Variants in MEGF11 observed in about 807,000 individuals in gnomAD.
MEGF11 encodes multiple epidermal growth factor-like domains protein 11.
MEGF11 carries 126 observed loss-of-function variants against 146.6 expected under a neutral mutation model. The observed-to-expected ratio is 0.86, with a 90% CI of 0.74 to 1.00. The LOEUF is 1.00. Among genes scored for constraint, MEGF11 ranks in the 50% least tolerant of loss-of-function variants. The pLI is 0.00. For synonymous variants in MEGF11, 532 were observed against 583.4 expected (o/e 0.91, Z 1.27); for missense variants, 1,509 against 1,521.2 (o/e 0.99, Z 0.13).
chr15:66,059,553 C>T (rs965240671), intron 5 of MEGF11, among the ~76,000 whole-genome samples: 12 of 152,164 alleles, frequency 7.9e-5, no homozygotes, highest in African/African-American at 2.9e-4. Flanking sequence ...GCTTTTGACT[C>T]AGCAAAACTC....
chr15:66,026,294 C>G (rs368173080), intron 5 of MEGF11, among the ~76,000 whole-genome samples: 3 of 152,302 alleles, frequency 2.0e-5, no homozygotes, highest in African/African-American at 7.2e-5. Context: ...TGCTAACAAG[C>G]TCAAGGTGGT....
At position 65,980,857 on chromosome 15, in the gene MEGF11, C is replaced by T. The variant is rs750422673; in HGVS notation, c.683G>A (p.Cys228Tyr). The change falls in exon 7 of 26, where the codon TGT becomes TAT. Residue 228 changes from cysteine to tyrosine, a missense_variant. Cys to Tyr is a radical substitution (Grantham distance 194, BLOSUM62 -2). Transcript: ENST00000395614. ...ATTCTGACAGGGGCAGCGCAGCTCA[C>T]AGTGAGCTCCATGGCTCCCAGGAGG... Reference protein sequence around the residue: ...LCPPGSHGAHCELRCPCQNGG... With the variant: ...LCPPGSHGAHYELRCPCQNGG... The T allele has an allele frequency of 8.8e-6, 14 of 1,595,170 alleles. No homozygotes were observed. The South Asian group carries it at 1.6e-4, about 18-fold the overall frequency.
chr15:66,229,094 G>A (rs958422776), intron 1 of MEGF11, among the ~76,000 whole-genome samples: 5 of 152,050 alleles, frequency 3.3e-5, no homozygotes, highest in Admixed American at 1.3e-4. Context: ...CAAATTGCCC[G>A]GCTTGTGTTC....
intron 4 of MEGF11, among the ~76,000 whole-genome samples, chr15:66,095,816 A>G (rs1290489863): frequency 1.3e-5 from 2 of 152,202 alleles, no homozygotes; most frequent in East Asian, 1.9e-4. Flanking sequence ...TGCCACAGGT[A>G]GCCTTCGGGG....
At chr15:66,217,587 G>A (rs1390004120) in intron 1 of MEGF11, among the ~76,000 whole-genome samples, 1 of 152,260 alleles carries the variant, frequency 6.6e-6, no homozygotes, top group Non-Finnish European at 1.5e-5. Context: ...CAGGGCAGAA[G>A]TACCTGGCCA....
chr15:65,917,024 G>A (rs1368804519), intron 16 of MEGF11, 68 bp from the exon 17 acceptor site: 2 of 1,421,818 alleles, frequency 1.4e-6, no homozygotes, highest in Non-Finnish European at 1.9e-6. Flanking sequence ...GGGAGAAGAA[G>A]GGGGAGTACA....
chr15:66,146,779 G>A (rs1312208249), intron 1 of MEGF11, among the ~76,000 whole-genome samples: 2 of 152,260 alleles, frequency 1.3e-5, no homozygotes, highest in Non-Finnish European at 2.9e-5. Flanking sequence ...GGCAGTGGGG[G>A]CAGAGGGACA....
intron 2 of MEGF11, among the ~76,000 whole-genome samples, chr15:66,126,340 C>T (rs2088345436): frequency 6.6e-6 from 1 of 152,186 alleles, no homozygotes; most frequent in Admixed American, 6.5e-5. Flanking sequence ...CCCCTTGGGG[C>T]CGGAGAAGCC....
intron 1 of MEGF11, among the ~76,000 whole-genome samples, chr15:66,139,743 G>A (rs1007812014): frequency 6.6e-6 from 1 of 152,168 alleles, no homozygotes; most frequent in African/African-American, 2.4e-5. Context: ...GGGCATGTAC[G>A]CACTGTGTGT....
chr15:66,102,781 C>T (rs942248705), intron 4 of MEGF11, among the ~76,000 whole-genome samples: 2 of 152,092 alleles, frequency 1.3e-5, no homozygotes, highest in Non-Finnish European at 2.9e-5. Flanking sequence ...GGGTCTTGTC[C>T]ACCTCCCAAC....
At chr15:65,988,008 C>A in intron 5 of MEGF11, among the ~76,000 whole-genome samples, 1 of 93,612 alleles carries the variant, frequency 1.1e-5, no homozygotes, top group Admixed American at 1.2e-4. Context: ...AGTACCCGGT[C>A]TTTTTTTTTT....
intron 3 of MEGF11, among the ~76,000 whole-genome samples, chr15:66,119,677 T>G (rs1296953024): frequency 2.0e-5 from 3 of 151,974 alleles, no homozygotes; most frequent in Non-Finnish European, 2.9e-5. Context: ...AAAGGACCCT[T>G]TGAGTCCAAC....
At position 65,973,713 on chromosome 15, in the gene MEGF11, G is replaced by T. The variant is rs7172119; in HGVS notation, c.763-3024C>A. 6.8e-3 allele frequency among the ~76,000 whole-genome samples: 1,035 copies of T among 152,288 alleles called. 12 individuals are homozygous for T. The highest frequency in any genetic ancestry group is 0.024 in the African/African-American group (981 of 41,566). ...GGGAGAGGGGTTGCGTGTTTGTATG[G>T]GTGTGTATGACAGAGCTGAATCTTA... On this transcript the variant is annotated intron_variant, in intron 7 of 25. Coordinates refer to ENST00000395614, the MANE Select transcript of MEGF11 (RefSeq NM_001385028.1).
chr15:65,981,687 T>C (rs2081644519), intron 6 of MEGF11, among the ~76,000 whole-genome samples: 1 of 152,074 alleles, frequency 6.6e-6, no homozygotes, highest in Non-Finnish European at 1.5e-5. Flanking sequence ...CTCCTGTCAA[T>C]ACTACTCTCT....
At chr15:66,198,023 A>G (rs557780496) in intron 1 of MEGF11, among the ~76,000 whole-genome samples, 2 of 152,358 alleles carry the variant, frequency 1.3e-5, no homozygotes, top group East Asian at 3.9e-4. Flanking sequence ...TCAGGAGTTC[A>G]AGACCAGCCT....
At chr15:66,138,272 C>T (rs866670859) in intron 1 of MEGF11, among the ~76,000 whole-genome samples, 1 of 152,174 alleles carries the variant, frequency 6.6e-6, no homozygotes, top group African/African-American at 2.4e-5. Context: ...CTTAGGGGAG[C>T]CTCCCAGCCA....
At chr15:66,009,353 G>A (rs1208209469) in intron 5 of MEGF11, among the ~76,000 whole-genome samples, 1 of 151,632 alleles carries the variant, frequency 6.6e-6, no homozygotes, top group African/African-American at 2.4e-5. Flanking sequence ...TGGGGAGGGT[G>A]CAGGGGAATG....
chr15:66,152,221 A>T (rs1597123723), intron 1 of MEGF11, among the ~76,000 whole-genome samples: 1 of 151,940 alleles, frequency 6.6e-6, no homozygotes, highest in East Asian at 1.9e-4. Context: ...TATGAATATG[A>T]ACCCACCTTG....
At chr15:65,918,448 C>G (rs921608909) in intron 15 of MEGF11, among the ~76,000 whole-genome samples, 5 of 152,256 alleles carry the variant, frequency 3.3e-5, no homozygotes, top group African/African-American at 1.2e-4. Context: ...CTGTACTGTT[C>G]CACAGCCTTC....
Sources: allele counts gnomAD v4.1 joint callset (sites outside exome capture counted in the v4.1 genomes callset), GRCh38; gene constraint gnomAD v4.1.1; transcripts MANE v1.5; gene names NCBI Gene and HGNC (gene_info 2026-07-23, HGNC 2026-07-21).